Variants in UGT1A4 observed in about 807,000 individuals in gnomAD.
UGT1A4 encodes the protein UDP-glucuronosyltransferase 1A4.
In UGT1A4, 32 loss-of-function variants were observed where a neutral mutation model predicts 41.1. The observed-to-expected ratio is 0.78, with a 90% confidence interval of 0.59 to 1.05. The LOEUF is 1.05. Among genes scored for constraint, UGT1A4 ranks in the 50% least tolerant of loss-of-function variants. UGT1A4 has a pLI of 0.00. For missense variants in UGT1A4, 748 were observed against 677.4 expected, an observed-to-expected ratio of 1.10 and a Z score of -1.16; for synonymous variants, 283 against 265.1, an observed-to-expected ratio of 1.07 and a Z score of -0.66.
At chr2:233,765,957 T>C (rs1248795427) in intron 1 of UGT1A4, among the ~76,000 whole-genome samples, 3 of 151,920 alleles carry the variant, frequency 2.0e-5, no homozygotes, top group Non-Finnish European at 2.9e-5. Flanking sequence ...TCACCGGCAG[T>C]GTCTAGAGGT....
chr2:233,735,677 C>A (rs1321375160), intron 1 of UGT1A4, among the ~76,000 whole-genome samples: 1 of 152,088 alleles, frequency 6.6e-6, no homozygotes. Context: ...TTAGTGCTTC[C>A]TTTAGGAGCT....
chr2:233,759,709 C>A (rs139134152), intron 1 of UGT1A4, among the ~76,000 whole-genome samples: 2 of 151,084 alleles, frequency 1.3e-5, no homozygotes, highest in East Asian at 3.9e-4. Flanking sequence ...GGCGCGTGCT[C>A]GTGTGGTGGG....
intron 1 of UGT1A4, chr2:233,747,267 CCTT>C: frequency 6.3e-7 from 1 of 1,599,532 alleles, no homozygotes; most frequent in Non-Finnish European, 8.5e-7. Context: ...GAGTGCTACT[CCTT>C]CTCAGTGCCC....
At chr2:233,725,746 A>G (rs561123272) in intron 1 of UGT1A4, among the ~76,000 whole-genome samples, 3 of 152,340 alleles carry the variant, frequency 2.0e-5, no homozygotes, top group African/African-American at 7.2e-5. Context: ...AAACATTGTA[A>G]GAGACTTACA....
chr2:233,768,949 T>G (rs973201287), intron 4 of UGT1A4, among the ~76,000 whole-genome samples: 26 of 152,212 alleles, frequency 1.7e-4, no homozygotes, highest in Admixed American at 1.5e-3. Context: ...TTAGTTTCTA[T>G]ATAATTTATC....
At chr2:233,767,218 C>T (rs1699339085) in intron 2 of UGT1A4, 53 bp downstream of exon 2, 14 of 1,611,886 alleles carry the variant, frequency 8.7e-6, no homozygotes, top group East Asian at 2.2e-5. Context: ...GAGCGCTAAT[C>T]CCAGACTTCC....
chr2:233,769,154 T>C lies in UGT1A4; in HGVS notation c.1307+715T>C, dbSNP rs528869254. ...CAGCTTTTTGCAGCACTGGAACCTG[T>C]GAGAAATTTTGTCCATGGAGTTTAT... On this transcript the variant is annotated intron_variant, in intron 4 of 4. Coordinates refer to ENST00000373409, the MANE Select transcript of UGT1A4 (RefSeq NM_007120.3). This position sits in a 1 kb window ranked among gnomAD's most constrained non-coding sequence, Gnocchi z 4.4. Among the ~76,000 whole-genome samples the C allele has an allele frequency of 1.3e-5, 2 of 152,310 alleles. No individual in the cohort carries two copies. Among genetic ancestry groups the C allele is most frequent in the South Asian group, 4.1e-4 (2 of 4,822 alleles).
intron 1 of UGT1A4, chr2:233,754,908 T>C: frequency 7.4e-7 from 1 of 1,352,648 alleles, no homozygotes; most frequent in Non-Finnish European, 9.9e-7. Flanking sequence ...CCCCAAAATA[T>C]TCTCCAGCGG....
Position 233,719,547 on chromosome 2 carries a change from GTGTCAGTGGTGGATCT to G in UGT1A4, c.734_749del (p.Val245AlafsTer13). 3 of 1,613,900 alleles carry G rather than the reference GTGTCAGTGGTGGATCT, an allele frequency of 1.9e-6. No individual in the cohort carries two copies. The Middle Eastern group carries it at 5.0e-4, about 266-fold the overall frequency. The stretch of plus-strand genomic sequence containing the variant: ...TGCCTCTGAGCTTTTTCAGAGAGAG[GTGTCAGTGGTGGATCT>G]TGTCAGCTATGCATCCGTGTGGCTG... On this transcript the variant is annotated frameshift_variant, in exon 1 of 5. Coordinates refer to ENST00000373409, the MANE Select transcript of UGT1A4 (RefSeq NM_007120.3). LOFTEE classifies it high-confidence loss of function.
intron 1 of UGT1A4, among the ~76,000 whole-genome samples, chr2:233,754,141 CATTAA>C (rs911730830): frequency 6.6e-6 from 1 of 152,194 alleles, no homozygotes; most frequent in Admixed American, 6.5e-5. Flanking sequence ...TAAAAGCCAT[CATTAA>C]ATTAAGCCAG....
chr2:233,743,929 G>A (rs1692592550), intron 1 of UGT1A4: 10 of 1,360,304 alleles, frequency 7.4e-6, no homozygotes, highest in Non-Finnish European at 9.8e-6. Flanking sequence ...TGGATGGCCA[G>A]AACGGCCCAC....
At position 233,729,418 on chromosome 2, in the gene UGT1A4, C is replaced by G. The variant is rs767075573; in HGVS notation, c.867+9731C>G. 8.1e-6 allele frequency: 13 copies of G among 1,613,638 alleles called. No individual in the cohort carries two copies. In the African/African-American group the frequency reaches 1.5e-4, roughly 18 times the overall value. The stretch of plus-strand genomic sequence containing the variant: ...TGATCGCCATGTGCTGGGCCACACT[C>G]AACTGTACTTTGAAACAGAACATTT... On this transcript the variant is annotated intron_variant, in intron 1 of 4. Coordinates refer to ENST00000373409, the MANE Select transcript of UGT1A4 (RefSeq NM_007120.3).
At chr2:233,734,703 G>A (rs1251067187) in intron 1 of UGT1A4, among the ~76,000 whole-genome samples, 3 of 151,956 alleles carry the variant, frequency 2.0e-5, no homozygotes, top group Non-Finnish European at 4.4e-5. Flanking sequence ...CAGAGATTCT[G>A]GTATGTTGTG....
At chr2:233,753,112 C>T (rs1267815033) in intron 1 of UGT1A4, 1 of 152,194 alleles carries the variant, frequency 6.6e-6, no homozygotes, top group African/African-American at 2.4e-5. Context: ...CAAACCCATC[C>T]CCAGCAAACT....
chr2:233,749,081 G>T (rs958459779), intron 1 of UGT1A4, among the ~76,000 whole-genome samples: 3 of 151,758 alleles, frequency 2.0e-5, no homozygotes, highest in African/African-American at 7.3e-5. Context: ...TCCTTGGTGT[G>T]CCATGTATTT....
chr2:233,729,808 T>A, intron 1 of UGT1A4: 1 of 1,613,986 alleles, frequency 6.2e-7, no homozygotes, highest in Non-Finnish European at 8.5e-7. Context: ...CCATGCTTTT[T>A]CTGCTCCTTA....
chr2:233,764,867 GCC>G (rs779119414), intron 1 of UGT1A4, among the ~76,000 whole-genome samples: 19,818 of 152,112 alleles, frequency 0.13, 1,414 homozygotes, highest in East Asian at 0.2. Flanking sequence ...TTTTAGATGA[GCC>G]CAAGGGAAAA....
At chr2:233,753,869 G>A (rs1051497204) in intron 1 of UGT1A4, among the ~76,000 whole-genome samples, 1 of 152,142 alleles carries the variant, frequency 6.6e-6, no homozygotes, top group African/African-American at 2.4e-5. Context: ...TAACCCCAAG[G>A]TCTGTCCTCA....
chr2:233,768,590 T>G (rs1322508849), intron 4 of UGT1A4, 151 bp downstream of exon 4: 2 of 1,068,204 alleles, frequency 1.9e-6, no homozygotes, highest in Non-Finnish European at 2.4e-6. Flanking sequence ...TTCTTTTTTT[T>G]TTTTTTTTTT....
Sources: allele counts gnomAD v4.1 joint callset (sites outside exome capture counted in the v4.1 genomes callset), GRCh38; gene constraint gnomAD v4.1.1; non-coding constraint Gnocchi (gnomAD v3.1); transcripts MANE v1.5; gene names NCBI Gene and HGNC (gene_info 2026-07-23, HGNC 2026-07-21).